TRDN: variants seen among roughly 807,000 people sequenced by gnomAD.
TRDN encodes triadin.
TRDN carries 161 observed loss-of-function variants against 149.7 expected under a neutral mutation model. The ratio of observed to expected loss-of-function variants is 1.08; its 90% CI spans 0.95 to 1.23. The LOEUF (loss-of-function observed/expected upper bound fraction) is 1.23, where lower values mean the gene tolerates loss of function less well. Ranked by LOEUF, TRDN falls within the 50% of genes most tolerant of loss-of-function variation. The pLI, the probability that TRDN is intolerant of heterozygous loss-of-function variation, is 0.00. For synonymous variants in TRDN, 294 were observed against 250.5 expected (o/e 1.17, Z -1.64); for missense variants, 896 against 823.5 (o/e 1.09, Z -1.08).
At chr6:123,528,450 T>C (rs1474599438) in intron 5 of TRDN, among the ~76,000 whole-genome samples, 1 of 151,936 alleles carries the variant, frequency 6.6e-6, no homozygotes, top group Non-Finnish European at 1.5e-5. Flanking sequence ...TCTTTTGTCA[T>C]CCCACAAAAC....
chr6:123,458,526 G>A (rs1776264046), intron 10 of TRDN, among the ~76,000 whole-genome samples: 1 of 152,122 alleles, frequency 6.6e-6, no homozygotes, highest in Non-Finnish European at 1.5e-5. Context: ...ACTATTCCCT[G>A]GGCCCTCAGA....
chr6:123,456,904 A>G, intron 10 of TRDN: 1 of 455,500 alleles, frequency 2.2e-6, no homozygotes, highest in Non-Finnish European at 4.4e-6. Context: ...TATAATAGGA[A>G]GAAATATTTA....
At chr6:123,276,838 T>A (rs1777384560) in intron 26 of TRDN, among the ~76,000 whole-genome samples, 1 of 152,076 alleles carries the variant, frequency 6.6e-6, no homozygotes, top group Non-Finnish European at 1.5e-5. Flanking sequence ...AATGAAGGGA[T>A]AATGACTCCA....
At chr6:123,301,876 T>C (rs1778442310) in intron 24 of TRDN, among the ~76,000 whole-genome samples, 1 of 147,524 alleles carries the variant, frequency 6.8e-6, no homozygotes, top group Non-Finnish European at 1.5e-5. Context: ...AAATGAAAAA[T>C]TCATATGGCG....
At chr6:123,294,280 A>G (rs1273218582) in intron 24 of TRDN, among the ~76,000 whole-genome samples, 6 of 152,310 alleles carry the variant, frequency 3.9e-5, no homozygotes, top group African/African-American at 1.4e-4. Context: ...TATCTGGCCA[A>G]CTATCAAAAG....
chr6:123,420,442 A>T (rs1441070705), intron 12 of TRDN, among the ~76,000 whole-genome samples: 1 of 152,182 alleles, frequency 6.6e-6, no homozygotes, highest in Non-Finnish European at 1.5e-5. Context: ...AATTAACACA[A>T]AAACTTTTGA....
At chr6:123,431,116 G>C (rs539539997) in intron 12 of TRDN, among the ~76,000 whole-genome samples, 1 of 152,064 alleles carries the variant, frequency 6.6e-6, no homozygotes, top group Non-Finnish European at 1.5e-5. Context: ...AAAGCCCTTC[G>C]AGCATAGCCA....
At chr6:123,327,364 A>G (rs1272496363) in intron 23 of TRDN, among the ~76,000 whole-genome samples, 1 of 152,076 alleles carries the variant, frequency 6.6e-6, no homozygotes, top group Non-Finnish European at 1.5e-5. Context: ...TTCAAGTTTA[A>G]AGACATTTAA....
intron 1 of TRDN, among the ~76,000 whole-genome samples, chr6:123,614,758 A>G (rs9482415): frequency 0.013 from 1,911 of 152,196 alleles, 36 homozygotes; most frequent in African/African-American, 0.044. Flanking sequence ...TATGGAAAAG[A>G]CCACAAAAGC....
At position 123,274,024 on chromosome 6, in the gene TRDN, G is replaced by A. The variant is rs556948242; in HGVS notation, c.1597+617C>T. On this transcript the variant is annotated intron_variant, in intron 27 of 40. Coordinates refer to ENST00000334268, the MANE Select transcript of TRDN (RefSeq NM_006073.4). Reference sequence around the variant, plus strand: ...CCAGGGTTTGGTGCAAATCAGACACGGGGCAGACCCCTAGCTTCAACATTG... The same window carrying A: ...CCAGGGTTTGGTGCAAATCAGACACAGGGCAGACCCCTAGCTTCAACATTG... 1.1e-4 allele frequency among the ~76,000 whole-genome samples: 16 copies of A among 152,084 alleles called. No homozygotes were observed. In the East Asian group the frequency reaches 1.7e-3, roughly 17 times the overall value.
intron 1 of TRDN, among the ~76,000 whole-genome samples, chr6:123,573,725 T>A (rs1220009155): frequency 1.3e-5 from 2 of 152,024 alleles, no homozygotes; most frequent in Non-Finnish European, 2.9e-5. Flanking sequence ...TTAGCAAAAT[T>A]AGAAAAGATG....
At chr6:123,464,718 A>G (rs573614906) in intron 10 of TRDN, 188 bp downstream of exon 10, 2 of 1,387,730 alleles carry the variant, frequency 1.4e-6, no homozygotes, top group Non-Finnish European at 1.9e-6. Context: ...TAGAATCTTA[A>G]GGGGACATTT....
chr6:123,614,288 T>TAAAAACAAAAACAAAAA (rs1784958856), intron 1 of TRDN, among the ~76,000 whole-genome samples: 1 of 59,314 alleles, frequency 1.7e-5, no homozygotes, highest in African/African-American at 5.9e-5. Flanking sequence ...AGTGCTTCAT[T>TAAAAACAAAAACAAAAA]AAAAAAAAAA....
At chr6:123,601,438 G>A (rs936071756) in intron 1 of TRDN, among the ~76,000 whole-genome samples, 1 of 152,070 alleles carries the variant, frequency 6.6e-6, no homozygotes, top group East Asian at 1.9e-4. Context: ...AGCCCTTTCT[G>A]TACATTGAAT....
Position 123,323,242 on chromosome 6 carries a change from T to C in TRDN, c.1472-6747A>G, listed in dbSNP as rs529223702. On this transcript the variant is annotated intron_variant, in intron 23 of 40. Coordinates refer to ENST00000334268, the MANE Select transcript of TRDN (RefSeq NM_006073.4). Reference sequence around the variant, plus strand: ...CTAGACGTTGAACCCTGGTGTGCATTATCTTCAGATATTTATATTTAATTT... The same window carrying C: ...CTAGACGTTGAACCCTGGTGTGCATCATCTTCAGATATTTATATTTAATTT... Among the ~76,000 whole-genome samples, 4 of 152,266 alleles carry C rather than the reference T, an allele frequency of 2.6e-5. No homozygotes were observed. In the South Asian group the frequency reaches 8.3e-4, roughly 32 times the overall value.
At chr6:123,450,330 C>A (rs1327897102) in intron 10 of TRDN, among the ~76,000 whole-genome samples, 1 of 152,098 alleles carries the variant, frequency 6.6e-6, no homozygotes, top group African/African-American at 2.4e-5. Context: ...TATCTGCTGC[C>A]TTTAGGAGAC....
chr6:123,610,662 A>T (rs1222319819), intron 1 of TRDN, among the ~76,000 whole-genome samples: 2 of 152,206 alleles, frequency 1.3e-5, no homozygotes, highest in Non-Finnish European at 2.9e-5. Context: ...CCTTCATTTT[A>T]AACAGCGACA....
intron 10 of TRDN, among the ~76,000 whole-genome samples, chr6:123,451,276 A>G (rs749029668): frequency 1.2e-3 from 178 of 148,446 alleles, no homozygotes; most frequent in Admixed American, 1.8e-3. Flanking sequence ...AATTGAAACA[A>G]CAACAAAAAA....
At chr6:123,388,746 G>A (rs1369698704) in intron 13 of TRDN, among the ~76,000 whole-genome samples, 195 bp from the exon 14 acceptor site, 3 of 151,958 alleles carry the variant, frequency 2.0e-5, no homozygotes, top group Admixed American at 6.6e-5. Context: ...TCAGAAATAA[G>A]CATTAGCAAA....
Sources: gnomAD v4.1 joint callset for allele counts (sites outside exome capture counted in the v4.1 genomes callset) on GRCh38, gnomAD v4.1.1 for gene constraint, MANE v1.5 for transcripts, NCBI Gene and HGNC (gene_info 2026-07-23, HGNC 2026-07-21) for gene names.